PLA1A: variants seen among roughly 807,000 people sequenced by gnomAD.
PLA1A encodes the protein phosphatidylserine-specific phospholipase A1alpha.
PLA1A carries 47 observed loss-of-function variants against 49.4 expected under a neutral mutation model. That is an observed-to-expected ratio of 0.95 (90% CI 0.75 to 1.21). The LOEUF (loss-of-function observed/expected upper bound fraction) is 1.21, where lower values mean the gene tolerates loss of function less well. PLA1A is among the 50% of genes most tolerant of loss of function. The pLI, the probability that PLA1A is intolerant of heterozygous loss-of-function variation, is 0.00. For missense variants in PLA1A, 561 were observed against 563.9 expected (o/e 0.99, Z 0.05); for synonymous variants, 224 against 207.9 (o/e 1.08, Z -0.67).
intron 1 of PLA1A, chr3:119,600,228 A>C (rs2082599231): frequency 3.4e-6 from 2 of 586,338 alleles, no homozygotes; most frequent in Non-Finnish European, 3.1e-6. Flanking sequence ...GCCTCCACTC[A>C]CTTTCCTGGC....
intron 1 of PLA1A, among the ~76,000 whole-genome samples, chr3:119,604,790 T>C (rs1276337807): frequency 6.6e-6 from 1 of 152,178 alleles, no homozygotes; most frequent in Non-Finnish European, 1.5e-5. Flanking sequence ...GCCAAGGAGT[T>C]TCTCTTTGTA....
intron 5 of PLA1A, 137 bp downstream of exon 5, chr3:119,613,255 A>G: frequency 1.7e-6 from 1 of 584,518 alleles, no homozygotes; most frequent in Non-Finnish European, 3.1e-6. Flanking sequence ...AGAGTTTACC[A>G]AAATGCTATT....
intron 5 of PLA1A, among the ~76,000 whole-genome samples, chr3:119,613,869 A>G (rs6807613): frequency 0.29 from 44,393 of 151,072 alleles, 8,333 homozygotes; most frequent in African/African-American, 0.52. Context: ...CGCCAGCCTG[A>G]GCGACAGAGC....
chr3:119,605,267 G>A (rs903869468), intron 1 of PLA1A, among the ~76,000 whole-genome samples: 1 of 152,310 alleles, frequency 6.6e-6, no homozygotes, highest in East Asian at 1.9e-4. Flanking sequence ...TGCCTGCTTG[G>A]TCTGCCTCTG....
intron 1 of PLA1A, among the ~76,000 whole-genome samples, chr3:119,601,060 C>T (rs756297505): frequency 3.9e-5 from 6 of 152,330 alleles, no homozygotes; most frequent in African/African-American, 1.4e-4. Flanking sequence ...ACACATGCAC[C>T]GATGGCTCCT....
At position 119,606,809 on chromosome 3, in the gene PLA1A, G is replaced by A. The variant is rs1422190627; in HGVS notation, c.109G>A (p.Asp37Asn). 7 of 1,613,994 alleles carry A rather than the reference G, an allele frequency of 4.3e-6. No homozygotes were observed. The highest frequency in any genetic ancestry group is 1.7e-5 in the Admixed American group (1 of 59,998). Residue 37 changes from aspartate to asparagine, a missense_variant, in exon 2 of 11, where the codon GAC (aspartate) becomes AAC (asparagine). Physicochemically the swap from Asp to Asn is conservative, Grantham distance 23. Coordinates refer to ENST00000273371, the MANE Select transcript of PLA1A (RefSeq NM_015900.4). ...APPTPQPKCA[D>N]FQSANLFEGT... ...TCCTACCCCACAGCCAAAGTGCGCT[G>A]ACTTCCAGAGCGCCAACCTTTTTGA...
Position 119,608,903 on chromosome 3 carries a change from A to G in PLA1A, c.409A>G (p.Ile137Val), listed in dbSNP as rs754255086. The change falls in exon 3 of 11, where the codon ATT (isoleucine) becomes GTT (valine). Residue 137 changes from isoleucine (I) to valine (V), a missense_variant. By Grantham distance (29) the Ile-to-Val change is conservative. Coordinates refer to ENST00000273371, the MANE Select transcript of PLA1A (RefSeq NM_015900.4). ...CTACTTCTCAGCTGTGAAAAATGTG[A>G]TTAAGTTGAGCCTCGAGATCTCCCT... ...GVYFSAVKNV[I>V]KLSLEISLFL... 5.6e-6 allele frequency: 9 copies of G among 1,614,046 alleles called. No homozygotes were observed. In the East Asian group the frequency reaches 1.8e-4, roughly 32 times the overall value.
At chr3:119,621,010 G>A (rs1289849664) in intron 8 of PLA1A, among the ~76,000 whole-genome samples, 1 of 152,182 alleles carries the variant, frequency 6.6e-6, no homozygotes, top group Non-Finnish European at 1.5e-5. Flanking sequence ...CAGGCCGTAC[G>A]TCTCAGCTCC....
intron 5 of PLA1A, among the ~76,000 whole-genome samples, chr3:119,615,352 G>T (rs1241935308): frequency 6.6e-6 from 1 of 152,168 alleles, no homozygotes; most frequent in African/African-American, 2.4e-5. Flanking sequence ...TTTTTGGGGA[G>T]ACTGTGGAAA....
intron 1 of PLA1A, among the ~76,000 whole-genome samples, chr3:119,602,889 G>A (rs2082636529): frequency 6.6e-6 from 1 of 152,114 alleles, no homozygotes; most frequent in Non-Finnish European, 1.5e-5. Context: ...GCAAAGACTT[G>A]AAGGAGGGGA....
At chr3:119,608,417 C>T (rs1299003086) in intron 2 of PLA1A, among the ~76,000 whole-genome samples, 1 of 152,138 alleles carries the variant, frequency 6.6e-6, no homozygotes, top group African/African-American at 2.4e-5. Flanking sequence ...ACAAATGGAG[C>T]AATGCAATGT....
intron 7 of PLA1A, among the ~76,000 whole-genome samples, chr3:119,618,598 T>G (rs2082885680): frequency 6.6e-6 from 1 of 152,148 alleles, no homozygotes; most frequent in Admixed American, 6.5e-5. Flanking sequence ...GGTCGGATAT[T>G]CTGGTGGCCT....
intron 8 of PLA1A, 140 bp downstream of exon 8, chr3:119,619,792 C>A: frequency 1.5e-6 from 1 of 672,362 alleles, no homozygotes; most frequent in Non-Finnish European, 2.7e-6. Context: ...TGGTCTGAAC[C>A]AAAACTTTCA....
In PLA1A at chr3:119,612,898, C is replaced by T. The variant is rs1012336103; in HGVS notation, c.563-119C>T. 1.1e-5 allele frequency: 7 copies of T among 617,548 alleles called. No homozygotes were observed. The African/African-American group carries it at 1.3e-4, about 12-fold the overall frequency. 38.3% of individuals were successfully genotyped at this position (617,548 alleles called of 1,614,324 possible). A position where few individuals can be genotyped will look rare whatever the true frequency, so the allele number is the denominator to read the frequency against. On this transcript the variant is annotated intron_variant, in intron 4 of 10. Coordinates refer to ENST00000273371, the MANE Select transcript of PLA1A (RefSeq NM_015900.4). Reference sequence around the variant, plus strand: ...GTGGTCCTCAGCTAATTCTCCCAACCCTTGGGTCTTTTCTGGGAGGGTCTA... The same window carrying T: ...GTGGTCCTCAGCTAATTCTCCCAACTCTTGGGTCTTTTCTGGGAGGGTCTA...
At chr3:119,624,264 C>T (rs79529926) in intron 8 of PLA1A, among the ~76,000 whole-genome samples, 1,821 of 152,276 alleles carry the variant, frequency 0.012, 30 homozygotes, top group African/African-American at 0.041. Context: ...CACAGCAGAA[C>T]GCAGGAGGTC....
intron 1 of PLA1A, among the ~76,000 whole-genome samples, chr3:119,603,126 A>G (rs1197023408): frequency 2.6e-5 from 4 of 152,156 alleles, no homozygotes; most frequent in African/African-American, 9.7e-5. Flanking sequence ...AATCTGAGAG[A>G]AAAGGCTTGG....
intron 1 of PLA1A, among the ~76,000 whole-genome samples, chr3:119,602,657 T>C (rs1297508418): frequency 1.3e-5 from 2 of 152,136 alleles, no homozygotes; most frequent in East Asian, 1.9e-4. Context: ...ACAAAATGGA[T>C]TTTAAAAATC....
At chr3:119,622,130 AGGAAG>A (rs1224712513) in intron 8 of PLA1A, among the ~76,000 whole-genome samples, 150 of 148,440 alleles carry the variant, frequency 1.0e-3, no homozygotes, top group African/African-American at 3.2e-3. Flanking sequence ...GGAGAAGAAG[AGGAAG>A]AGGAGGAGGA....
At chr3:119,607,059 G>C (rs1161665193) in intron 2 of PLA1A, 84 bp downstream of exon 2, 3 of 1,136,136 alleles carry the variant, frequency 2.6e-6, no homozygotes, top group Non-Finnish European at 2.7e-6. Context: ...GGGCAACAAG[G>C]GGAGGAATGA....
Sources: allele counts gnomAD v4.1 joint callset (sites outside exome capture counted in the v4.1 genomes callset), GRCh38; gene constraint gnomAD v4.1.1; transcripts MANE v1.5; gene names NCBI Gene and HGNC (gene_info 2026-07-23, HGNC 2026-07-21).